Variants in LAMC2 observed in about 807,000 individuals in gnomAD.
The protein encoded by LAMC2 is laminin subunit gamma 2, also known as laminin subunit gamma-2.
Under a neutral mutation model 140.2 loss-of-function variants are expected in LAMC2, and 97 were observed. That is an observed-to-expected ratio of 0.69 (90% confidence interval 0.59 to 0.82). LAMC2 has a LOEUF of 0.82. LAMC2 is among the 40% of genes least tolerant of loss of function. LAMC2 has a pLI of 0.00. For missense variants in LAMC2, 1,402 were observed against 1,476.1 expected (o/e 0.95, Z 0.82); for synonymous variants, 513 against 540.2 (o/e 0.95, Z 0.70).
chr1:183,253,356 G>A, the LAMC2 span, among the ~76,000 whole-genome samples: 1 of 148,274 alleles, frequency 6.7e-6, no homozygotes, highest in Non-Finnish European at 1.5e-5. Flanking sequence ...ATATAATATA[G>A]TTTAATGGTT....
At chr1:183,236,312 G>T in intron 16 of LAMC2, 148 bp from the exon 17 acceptor site, 1 of 718,662 alleles carries the variant, frequency 1.4e-6, no homozygotes, top group Non-Finnish European at 2.3e-6. Context: ...TTGCTTGAGC[G>T]TGGGAGGATG....
chr1:183,187,514 A>G (rs138596395), intron 1 of LAMC2, among the ~76,000 whole-genome samples: 7 of 151,830 alleles, frequency 4.6e-5, no homozygotes, highest in African/African-American at 1.7e-4. Context: ...AAAAAAAAAA[A>G]AAGGTGGAGA....
In LAMC2 at chr1:183,218,501, C is replaced by T. The variant is rs755081226; in HGVS notation, c.503+13C>T. On this transcript the variant is annotated intron_variant, in intron 4 of 22. Coordinates refer to ENST00000264144, the MANE Select transcript of LAMC2 (RefSeq NM_005562.3). ...AACGCTGTGATAGGTCTGTGTGAAC[C>T]GTGGCCCTACAAACAGCAGAGAGAG... 3.1e-6 allele frequency: 5 copies of T among 1,592,518 alleles called. No homozygotes were observed. Among genetic ancestry groups the T allele is most frequent in the East Asian group, 2.2e-5 (1 of 44,656 alleles).
chr1:183,255,097 G>A, the LAMC2 span, among the ~76,000 whole-genome samples: 3 of 152,170 alleles, frequency 2.0e-5, no homozygotes, highest in Admixed American at 6.5e-5. Context: ...TTTTGTGACT[G>A]GTGTGAGATA....
chr1:183,242,140 G>A (rs934947731), intron 22 of LAMC2, among the ~76,000 whole-genome samples: 6 of 152,248 alleles, frequency 3.9e-5, no homozygotes, highest in East Asian at 3.9e-4. Context: ...TCCAATGCTC[G>A]TGTTCTTTTC....
intron 3 of LAMC2, among the ~76,000 whole-genome samples, chr1:183,217,015 G>A (rs1159771718): frequency 6.6e-6 from 1 of 152,168 alleles, no homozygotes; most frequent in Admixed American, 6.5e-5. Context: ...TAGAGAGGGA[G>A]CTAAGAAGGA....
intron 1 of LAMC2, among the ~76,000 whole-genome samples, chr1:183,191,871 G>A (rs535509025): frequency 2.1e-4 from 31 of 151,166 alleles, no homozygotes; most frequent in African/African-American, 7.0e-4. Context: ...AAAAAAAAGA[G>A]AGATCAATGT....
At chr1:183,241,285 G>A in intron 22 of LAMC2, 1 of 980,774 alleles carries the variant, frequency 1.0e-6, no homozygotes, top group Non-Finnish European at 1.2e-6. Flanking sequence ...AGAATCACTT[G>A]CCGATTTTAC....
chr1:183,244,330 A>G lies in LAMC2; in HGVS notation c.*930A>G, dbSNP rs1312503454. ...TCTCCTCTCTCTTTCCTCCACCCATAATAAGAGAATGTTCCTACTCACACT... is the reference window on the plus strand; with the variant it reads ...TCTCCTCTCTCTTTCCTCCACCCATGATAAGAGAATGTTCCTACTCACACT... On this transcript the variant is annotated 3_prime_UTR_variant, in exon 23 of 23. Coordinates refer to ENST00000264144, the MANE Select transcript of LAMC2 (RefSeq NM_005562.3). 1 of 150,770 alleles carries G rather than the reference A, an allele frequency of 6.6e-6. No homozygotes were observed. The highest frequency in any genetic ancestry group is 2.5e-5 in the African/African-American group (1 of 40,154). The allele number at this position is 150,770 out of a possible 1,614,324, so 9.3% of individuals were successfully genotyped here.
intron 1 of LAMC2, among the ~76,000 whole-genome samples, chr1:183,202,575 G>A (rs1385083919): frequency 2.6e-5 from 4 of 152,094 alleles, no homozygotes; most frequent in Non-Finnish European, 5.9e-5. Flanking sequence ...TGTGCCATAA[G>A]AAAAACATAG....
chr1:183,189,823 C>T (rs1404849321), intron 1 of LAMC2, among the ~76,000 whole-genome samples: 1 of 152,188 alleles, frequency 6.6e-6, no homozygotes, highest in Non-Finnish European at 1.5e-5. Context: ...TGAGGACTAT[C>T]ACTGCTGGAT....
Position 183,239,562 on chromosome 1 carries a change from A to G in LAMC2, c.3068A>G (p.Gln1023Arg). ...CTGGAAATCTCCAGTGAGATTGAACAGGTAAAGAGAAATCGACATGTGTGT... is the reference window on the plus strand; with the variant it reads ...CTGGAAATCTCCAGTGAGATTGAACGGGTAAAGAGAAATCGACATGTGTGT... The part of the protein sequence containing the change: ...EALEISSEIE[Q>R]EIGSLNLEAN... Residue 1023 changes from glutamine to arginine, a missense_variant and splice_region_variant, in exon 20 of 23, where the codon CAG becomes CGG. Around this residue, in one of 3 missense-constraint regions of LAMC2, gnomAD observed 670 missense variants for 667.2 expected, o/e 1.00. Coordinates refer to ENST00000264144, the MANE Select transcript of LAMC2 (RefSeq NM_005562.3). 1 of 1,612,748 alleles carries G rather than the reference A, an allele frequency of 6.2e-7. No individual in the cohort carries two copies. Among genetic ancestry groups the G allele is most frequent in the Non-Finnish European group, 8.5e-7 (1 of 1,179,310 alleles).
chr1:183,198,554 G>A (rs1471297652), intron 1 of LAMC2, among the ~76,000 whole-genome samples: 1 of 152,170 alleles, frequency 6.6e-6, no homozygotes, highest in Non-Finnish European at 1.5e-5. Flanking sequence ...CTAAGCAACC[G>A]AAATGGTAGC....
chr1:183,211,873 C>A (rs1479299504), intron 2 of LAMC2, among the ~76,000 whole-genome samples: 1 of 152,122 alleles, frequency 6.6e-6, no homozygotes, highest in Non-Finnish European at 1.5e-5. Flanking sequence ...TAGGCTATAT[C>A]TATATAAAGC....
At chr1:183,227,792 T>C (rs535392565) in intron 10 of LAMC2, 95 bp downstream of exon 10, 1 of 1,170,398 alleles carries the variant, frequency 8.5e-7, no homozygotes, top group Non-Finnish European at 1.3e-6. Context: ...TCCTAGGAAA[T>C]TATAATGACT....
chr1:183,226,935 G>A lies in LAMC2; in HGVS notation c.1285+19G>A. The stretch of plus-strand genomic sequence containing the variant: ...GACACAGGTGAGTGAAATGACACCT[G>A]GACCAGGTGGCTGGGGTGTCATGTG... On this transcript the variant is annotated intron_variant, in intron 9 of 22. Transcript: ENST00000264144. The A allele has an allele frequency of 1.9e-6, 3 of 1,592,022 alleles. No homozygotes were observed. The highest frequency in any genetic ancestry group is 2.6e-6 in the Non-Finnish European group (3 of 1,160,806).
chr1:183,230,149 T>C (rs1164148664), intron 11 of LAMC2, among the ~76,000 whole-genome samples: 2 of 152,336 alleles, frequency 1.3e-5, no homozygotes, highest in South Asian at 2.1e-4. Flanking sequence ...TCACTGGCTT[T>C]ACACCACACA....
chr1:183,218,277 C>G, intron 3 of LAMC2, 113 bp from the exon 4 acceptor site: 2 of 858,930 alleles, frequency 2.3e-6, no homozygotes, highest in South Asian at 2.8e-5. Flanking sequence ...GAAGCCTCAT[C>G]GAAGAAGGAC....
Sources: gnomAD v4.1 joint callset for allele counts (sites outside exome capture counted in the v4.1 genomes callset) on GRCh38, gnomAD v4.1.1 for gene constraint, gnomAD v4.1.1 regional missense constraint, MANE v1.5 for transcripts, NCBI Gene and HGNC (gene_info 2026-07-23, HGNC 2026-07-21) for gene names.